Variants in SNTG1 observed in about 807,000 individuals in gnomAD.
SNTG1 encodes the protein gamma-1-syntrophin.
SNTG1 carries 39 observed loss-of-function variants against 74.7 expected under a neutral mutation model. The observed-to-expected ratio is 0.52, with a 90% confidence interval of 0.40 to 0.68. SNTG1 has a LOEUF of 0.68. Among genes scored for constraint, SNTG1 ranks in the 30% least tolerant of loss-of-function variants. SNTG1 has a pLI of 0.00. For missense variants in SNTG1, 685 were observed against 609.5 expected (o/e 1.12, Z -1.30); for synonymous variants, 254 against 217.1 (o/e 1.17, Z -1.49).
chr8:50,622,063 A>G (rs1291218317), intron 13 of SNTG1, among the ~76,000 whole-genome samples: 1 of 152,016 alleles, frequency 6.6e-6, no homozygotes, highest in Non-Finnish European at 1.5e-5. Context: ...ATTCATGCTA[A>G]TTCTCCAACT....
At chr8:50,414,156 G>C (rs1314515826) in intron 4 of SNTG1, among the ~76,000 whole-genome samples, 1 of 152,072 alleles carries the variant, frequency 6.6e-6, no homozygotes, top group East Asian at 1.9e-4. Context: ...CACTCTATAA[G>C]TATCCCTCAG....
intron 15 of SNTG1, among the ~76,000 whole-genome samples, chr8:50,669,915 A>C (rs1261898271): frequency 6.6e-6 from 1 of 152,212 alleles, no homozygotes; most frequent in Non-Finnish European, 1.5e-5. Flanking sequence ...GTAATCCAGC[A>C]TAGAAACAGA....
intron 1 of SNTG1, among the ~76,000 whole-genome samples, chr8:50,083,677 C>A (rs929029587): frequency 1.3e-5 from 2 of 152,168 alleles, no homozygotes; most frequent in Non-Finnish European, 2.9e-5. Context: ...TTCAAGCATT[C>A]ATTTTTTTGG....
intron 1 of SNTG1, among the ~76,000 whole-genome samples, chr8:50,023,410 A>C (rs1426485125): frequency 6.6e-6 from 1 of 152,176 alleles, no homozygotes; most frequent in Non-Finnish European, 1.5e-5. Context: ...CAGATTTATA[A>C]ATTTAAAAGA....
At chr8:50,083,435 T>C (rs1263942738) in intron 1 of SNTG1, among the ~76,000 whole-genome samples, 2 of 152,208 alleles carry the variant, frequency 1.3e-5, no homozygotes, top group Non-Finnish European at 1.5e-5. Context: ...TATCTTGTGA[T>C]GGATACATTT....
rs548356113 is a variant in SNTG1 at position 50,280,135 on chromosome 8, G to A, written c.-28+107500G>A. 2.0e-5 allele frequency among the ~76,000 whole-genome samples: 3 copies of A among 152,308 alleles called. No homozygotes were observed. In the East Asian group the frequency reaches 5.8e-4, roughly 29 times the overall value. ...GGCCTCCTACAGTCATATTTTGGCT[G>A]GTGAGTGATAGGCGTGAGCCCTCTC... On this transcript the variant is annotated intron_variant, in intron 2 of 18. Coordinates refer to ENST00000642720, the MANE Select transcript of SNTG1 (RefSeq NM_018967.5).
In SNTG1 at chr8:50,715,354, A is replaced by G. The variant is rs192138943; in HGVS notation, c.1284+6376A>G. Among the ~76,000 whole-genome samples, 110 of 152,334 alleles carry G rather than the reference A, an allele frequency of 7.2e-4. 2 individuals carry two copies. The South Asian group carries it at 9.7e-3, about 13-fold the overall frequency. On this transcript the variant is annotated intron_variant, in intron 17 of 18. Coordinates refer to ENST00000642720, the MANE Select transcript of SNTG1 (RefSeq NM_018967.5). ...AGAATACTAGGTCCCCCAAATTGTT[A>G]TAGTCTGATTGCTTTTATTATTATT... is the stretch of plus-strand genomic sequence containing the variant.
chr8:50,410,893 C>T lies in SNTG1; in HGVS notation c.162+8549C>T, dbSNP rs559085376. On this transcript the variant is annotated intron_variant, in intron 4 of 18. Transcript: ENST00000642720. The stretch of plus-strand genomic sequence containing the variant: ...TCAACTGTGTATATATATGCTTTAT[C>T]CATTCATCTGTTGATAGACACTTAG... 2.6e-3 allele frequency among the ~76,000 whole-genome samples: 389 copies of T among 152,216 alleles called. 2 individuals carry two copies. Among genetic ancestry groups the T allele is most frequent in the African/African-American group, 9.0e-3 (372 of 41,520 alleles).
chr8:50,307,922 T>C (rs1051665121), intron 2 of SNTG1, among the ~76,000 whole-genome samples: 1 of 152,132 alleles, frequency 6.6e-6, no homozygotes, highest in Admixed American at 6.6e-5. Context: ...CTGTCCCACA[T>C]TCTGAGATGT....
chr8:50,637,768 T>G (rs1005012138), intron 13 of SNTG1, among the ~76,000 whole-genome samples: 1 of 152,108 alleles, frequency 6.6e-6, no homozygotes, highest in Non-Finnish European at 1.5e-5. Context: ...TTATTTATTT[T>G]TAAAATAATG....
intron 13 of SNTG1, among the ~76,000 whole-genome samples, chr8:50,611,043 T>G (rs771582532): frequency 6.6e-6 from 1 of 152,144 alleles, no homozygotes; most frequent in Non-Finnish European, 1.5e-5. Context: ...TGCATGGAAC[T>G]TTTTTTGAGA....
intron 2 of SNTG1, among the ~76,000 whole-genome samples, chr8:50,333,633 G>A (rs2091041600): frequency 6.6e-6 from 1 of 152,186 alleles, no homozygotes; most frequent in Admixed American, 6.5e-5. Context: ...TATATTTCTT[G>A]TTGAGATTGT....
chr8:50,475,189 G>A (rs1406256411), intron 8 of SNTG1, among the ~76,000 whole-genome samples: 1 of 151,334 alleles, frequency 6.6e-6, no homozygotes, highest in Non-Finnish European at 1.5e-5. Context: ...TAACAAACCT[G>A]CACGTTGTGC....
intron 4 of SNTG1, among the ~76,000 whole-genome samples, chr8:50,421,053 G>T (rs868476443): frequency 0.026 from 378 of 14,480 alleles, 38 homozygotes; most frequent in African/African-American, 0.056. Flanking sequence ...GGGCGGGGGA[G>T]GGGGGGGCGA....
intron 1 of SNTG1, among the ~76,000 whole-genome samples, chr8:50,017,301 A>C (rs1816416352): frequency 6.6e-6 from 1 of 152,096 alleles, no homozygotes; most frequent in Non-Finnish European, 1.5e-5. Context: ...GAATTTTAAA[A>C]CTATGTTAGA....
intron 2 of SNTG1, among the ~76,000 whole-genome samples, chr8:50,393,760 T>C (rs1260347876): frequency 6.6e-6 from 1 of 152,210 alleles, no homozygotes; most frequent in Non-Finnish European, 1.5e-5. Context: ...TATTCATGCA[T>C]GTAGCTTTTT....
At chr8:50,459,176 T>C (rs1463904743) in intron 8 of SNTG1, among the ~76,000 whole-genome samples, 2 of 152,178 alleles carry the variant, frequency 1.3e-5, no homozygotes, top group Admixed American at 6.6e-5. Context: ...GAAAATGAGT[T>C]GCCCTAAATG....
intron 17 of SNTG1, among the ~76,000 whole-genome samples, chr8:50,724,656 T>C (rs1216018457): frequency 6.6e-6 from 1 of 152,166 alleles, no homozygotes; most frequent in Admixed American, 6.5e-5. Context: ...TCACAGTTTG[T>C]TGAGATGCAA....
intron 1 of SNTG1, among the ~76,000 whole-genome samples, chr8:49,971,810 G>A (rs550866700): frequency 6.6e-6 from 1 of 152,290 alleles, no homozygotes; most frequent in South Asian, 2.1e-4. Flanking sequence ...GCTTACAAGG[G>A]AAGTGAAGGA....
Sources: gnomAD v4.1 joint callset for allele counts (sites outside exome capture counted in the v4.1 genomes callset) on GRCh38, gnomAD v4.1.1 for gene constraint, MANE v1.5 for transcripts, NCBI Gene and HGNC (gene_info 2026-07-23, HGNC 2026-07-21) for gene names.